MANBA: variants seen among roughly 807,000 people sequenced by gnomAD.
MANBA encodes beta-mannosidase.
MANBA carries 83 observed loss-of-function variants against 111.1 expected under a neutral mutation model. The ratio of observed to expected loss-of-function variants is 0.75; its 90% CI spans 0.63 to 0.90. The LOEUF (loss-of-function observed/expected upper bound fraction) is 0.90. MANBA is among the 40% of genes least tolerant of loss of function. The pLI is 0.00. For missense variants in MANBA, 1,036 were observed against 1,069.0 expected (o/e 0.97, Z 0.43); for synonymous variants, 370 against 378.7 (o/e 0.98, Z 0.27).
chr4:102,748,057 C>A (rs140807099), intron 1 of MANBA, among the ~76,000 whole-genome samples: 40 of 152,296 alleles, frequency 2.6e-4, no homozygotes, highest in Non-Finnish European at 4.4e-4. Flanking sequence ...TGAGGCTGGG[C>A]AGCTACATGG....
chr4:102,653,501 G>A (rs968675635), intron 12 of MANBA, among the ~76,000 whole-genome samples: 24 of 152,110 alleles, frequency 1.6e-4, no homozygotes, highest in African/African-American at 5.8e-4. Flanking sequence ...TTTTAATCAA[G>A]TTGTTGAATA....
chr4:102,730,297 A>T, intron 1 of MANBA: 1 of 542,588 alleles, frequency 1.8e-6, no homozygotes, highest in South Asian at 2.5e-5. Flanking sequence ...AGGAATTTAC[A>T]AGAGGGTATA....
chr4:102,749,590 G>A (rs549993918), intron 1 of MANBA, among the ~76,000 whole-genome samples: 37 of 152,278 alleles, frequency 2.4e-4, no homozygotes, highest in African/African-American at 7.9e-4. Context: ...AATAGGCAGC[G>A]TGCAATGGTG....
At chr4:102,751,856 T>C (rs1396070583) in intron 1 of MANBA, 7 of 522,944 alleles carry the variant, frequency 1.3e-5, no homozygotes, top group African/African-American at 3.9e-5. Context: ...AAAAAAAAGA[T>C]AGTTTGTCTT....
Position 102,690,812 on chromosome 4 carries a change from T to G in MANBA, c.674-41A>C, listed in dbSNP as rs200768404. 4.1e-6 allele frequency: 3 copies of G among 737,972 alleles called. No homozygotes were observed. The South Asian group carries it at 1.2e-4, about 30-fold the overall frequency. 45.7% of individuals were successfully genotyped at this position (737,972 alleles called of 1,614,324 possible). A position where few individuals can be genotyped will look rare whatever the true frequency, so the allele number is the denominator to read the frequency against. ...AAAAAGAAATATATATATATATATA[T>G]AATATGCTAAGCATTATCACTGCAT... On this transcript the variant is annotated intron_variant, in intron 5 of 16. Coordinates refer to ENST00000647097, the MANE Select transcript of MANBA (RefSeq NM_005908.4).
intron 7 of MANBA, among the ~76,000 whole-genome samples, chr4:102,684,172 G>A (rs1301778859): frequency 1.3e-5 from 2 of 151,034 alleles, no homozygotes; most frequent in African/African-American, 2.4e-5. Flanking sequence ...ATGAAACAAA[G>A]ATATAAAACT....
At chr4:102,729,703 C>G in intron 1 of MANBA, 1 of 1,556,378 alleles carries the variant, frequency 6.4e-7, no homozygotes, top group South Asian at 1.1e-5. Context: ...TTCAGCTTCT[C>G]CTGGCCCAGA....
chr4:102,724,123 T>C (rs1722693185), intron 2 of MANBA, among the ~76,000 whole-genome samples, 156 bp from the exon 3 acceptor site: 1 of 152,250 alleles, frequency 6.6e-6, no homozygotes, highest in Non-Finnish European at 1.5e-5. Context: ...AGTACTGCTT[T>C]AAAACATACT....
At chr4:102,705,112 G>C (rs28660972) in intron 5 of MANBA, among the ~76,000 whole-genome samples, 4,230 of 152,260 alleles carry the variant, frequency 0.028, 137 homozygotes, top group African/African-American at 0.078. Flanking sequence ...GAGAGAAAAG[G>C]AAGGAACCCT....
At chr4:102,724,491 G>A (rs886867471) in intron 2 of MANBA, among the ~76,000 whole-genome samples, 6 of 151,406 alleles carry the variant, frequency 4.0e-5, no homozygotes, top group Non-Finnish European at 7.4e-5. Context: ...CCCAGGAGGC[G>A]GAGGTTGCAG....
chr4:102,671,986 C>G, intron 8 of MANBA: 2 of 399,902 alleles, frequency 5.0e-6, no homozygotes, highest in East Asian at 3.6e-5. Context: ...GTGGGCTCAG[C>G]ACAGGCACCA....
At chr4:102,679,514 A>G (rs146130998) in intron 7 of MANBA, 2 of 152,206 alleles carry the variant, frequency 1.3e-5, no homozygotes, top group East Asian at 3.9e-4. Context: ...AGTTTTGATT[A>G]TATTAATATA....
At position 102,689,500 on chromosome 4, in the gene MANBA, C is replaced by A; in HGVS notation, c.960+74G>T. On this transcript the variant is annotated intron_variant, in intron 7 of 16. Transcript: ENST00000647097. Reference sequence around the variant, plus strand: ...AAGAGTTTTGACGGTTTCTTCTTTTCCCATGAAGATCTGTATTACTATTTT... The same window carrying A: ...AAGAGTTTTGACGGTTTCTTCTTTTACCATGAAGATCTGTATTACTATTTT... The A allele has an allele frequency of 5.2e-6, 5 of 957,526 alleles. No individual in the cohort carries two copies. In the South Asian group the frequency reaches 7.5e-5, roughly 14 times the overall value. The allele number at this position is 957,526 out of a possible 1,614,324, so 59.3% of individuals were successfully genotyped here.
At chr4:102,660,135 T>G (rs1039039992) in intron 11 of MANBA, among the ~76,000 whole-genome samples, 7 of 152,218 alleles carry the variant, frequency 4.6e-5, no homozygotes, top group Non-Finnish European at 8.8e-5. Flanking sequence ...GCAGAATTCT[T>G]TATTTACTAA....
Position 102,760,941 on chromosome 4 carries a change from C to G in MANBA, c.-47G>C. 3 of 1,520,426 alleles carry G rather than the reference C, an allele frequency of 2.0e-6. No individual in the cohort carries two copies. Among genetic ancestry groups the G allele is most frequent in the Non-Finnish European group, 2.7e-6 (3 of 1,131,422 alleles). 94.2% of individuals were successfully genotyped at this position (1,520,426 alleles called of 1,614,324 possible). On this transcript the variant is annotated 5_prime_UTR_variant, in exon 1 of 17. Transcript: ENST00000647097. Reference sequence around the variant, plus strand: ...GATGTGGAGAGATCGAAAGGCAGCGCTGCAAGGGACCGGCGGTGAAGCCAC... The same window carrying G: ...GATGTGGAGAGATCGAAAGGCAGCGGTGCAAGGGACCGGCGGTGAAGCCAC...
At chr4:102,635,733 T>G (rs1578856625) in intron 15 of MANBA, 132 bp downstream of exon 15, 29 of 904,366 alleles carry the variant, frequency 3.2e-5, no homozygotes. Flanking sequence ...AATGGCAGGG[T>G]TGTAGCCTGA....
At chr4:102,667,239 C>A (rs901101430) in intron 10 of MANBA, 6 of 152,004 alleles carry the variant, frequency 3.9e-5, no homozygotes, top group Admixed American at 3.3e-4. Context: ...GTTGAGTATG[C>A]ACATATTGAA....
At chr4:102,637,645 G>A (rs547678888) in intron 14 of MANBA, among the ~76,000 whole-genome samples, 1 of 152,208 alleles carries the variant, frequency 6.6e-6, no homozygotes, top group African/African-American at 2.4e-5. Context: ...AGAGGAACAA[G>A]TATTCATCTA....
intron 1 of MANBA, among the ~76,000 whole-genome samples, chr4:102,738,905 A>G (rs978998383): frequency 1.3e-5 from 2 of 152,240 alleles, no homozygotes; most frequent in Non-Finnish European, 2.9e-5. Context: ...ATCATAAAGA[A>G]AAAACAATCA....
Sources: allele counts gnomAD v4.1 joint callset (sites outside exome capture counted in the v4.1 genomes callset), GRCh38; gene constraint gnomAD v4.1.1; transcripts MANE v1.5; gene names NCBI Gene and HGNC (gene_info 2026-07-23, HGNC 2026-07-21).